Variants in EXOC4 observed in about 807,000 individuals in gnomAD.
EXOC4 encodes the protein exocyst complex component 4, also known as SEC8-like 1.
A neutral mutation model predicts 107.2 loss-of-function variants in EXOC4; 71 were observed. The ratio of observed to expected loss-of-function variants is 0.66; its 90% CI spans 0.55 to 0.81. The LOEUF (loss-of-function observed/expected upper bound fraction) is 0.81. EXOC4 is among the 30% of genes least tolerant of loss of function. EXOC4 has a pLI of 0.00. For synonymous variants in EXOC4, 456 were observed against 441.2 expected (o/e 1.03, Z -0.42); for missense variants, 1,108 against 1,189.6 (o/e 0.93, Z 1.01).
chr7:134,002,302 C>T (rs745820507), intron 15 of EXOC4, among the ~76,000 whole-genome samples: 38 of 152,094 alleles, frequency 2.5e-4, no homozygotes, highest in South Asian at 4.1e-4. Context: ...AAGAATATGA[C>T]ACATCCCATA....
At chr7:133,414,806 A>G (rs2150750393) in intron 7 of EXOC4, among the ~76,000 whole-genome samples, 1 of 152,310 alleles carries the variant, frequency 6.6e-6, no homozygotes, top group South Asian at 2.1e-4. Flanking sequence ...AATTCAAAGT[A>G]TACAATTCAA....
intron 1 of EXOC4, among the ~76,000 whole-genome samples, chr7:133,274,161 C>T (rs1793937061): frequency 6.6e-6 from 1 of 152,176 alleles, no homozygotes; most frequent in Non-Finnish European, 1.5e-5. Context: ...TGTTCGAAGA[C>T]TAGTAAATGC....
chr7:133,295,158 T>A (rs796606536), intron 3 of EXOC4, among the ~76,000 whole-genome samples: 7 of 152,250 alleles, frequency 4.6e-5, no homozygotes, highest in African/African-American at 1.7e-4. Context: ...TCTTTTGAGC[T>A]AGTAAAAGTT....
intron 7 of EXOC4, among the ~76,000 whole-genome samples, chr7:133,431,752 C>G (rs1323010594): frequency 2.0e-5 from 3 of 152,134 alleles, no homozygotes; most frequent in Admixed American, 6.5e-5. Flanking sequence ...GTTTATAGAC[C>G]GGACCCGTAA....
At chr7:133,422,633 A>G (rs950618603) in intron 7 of EXOC4, among the ~76,000 whole-genome samples, 1 of 152,162 alleles carries the variant, frequency 6.6e-6, no homozygotes, top group Non-Finnish European at 1.5e-5. Flanking sequence ...TGTAGGTTAC[A>G]TGTTTTACTG....
intron 17 of EXOC4, among the ~76,000 whole-genome samples, chr7:134,056,695 G>A (rs1795933146): frequency 6.6e-6 from 1 of 152,194 alleles, no homozygotes; most frequent in Non-Finnish European, 1.5e-5. Flanking sequence ...ATCTGATGTA[G>A]CAGAGAGTGA....
intron 14 of EXOC4, among the ~76,000 whole-genome samples, chr7:133,987,555 G>A (rs930816575): frequency 6.6e-6 from 1 of 152,156 alleles, no homozygotes; most frequent in African/African-American, 2.4e-5. Flanking sequence ...AGAAAACTGT[G>A]TGGTGTCTTT....
At chr7:134,046,158 C>G (rs991026921) in intron 17 of EXOC4, among the ~76,000 whole-genome samples, 1 of 152,126 alleles carries the variant, frequency 6.6e-6, no homozygotes, top group African/African-American at 2.4e-5. Context: ...ACCCTTATAA[C>G]CATCACTCCT....
At chr7:133,453,794 T>C (rs534529198) in intron 7 of EXOC4, among the ~76,000 whole-genome samples, 1 of 152,246 alleles carries the variant, frequency 6.6e-6, no homozygotes, top group East Asian at 1.9e-4. Flanking sequence ...AAGTTTTCCT[T>C]ATAATATGTA....
chr7:133,403,374 T>A (rs956882889), intron 7 of EXOC4, among the ~76,000 whole-genome samples: 1 of 152,192 alleles, frequency 6.6e-6, no homozygotes, highest in Non-Finnish European at 1.5e-5. Flanking sequence ...TTTCCCCTTA[T>A]CACTGTGATC....
At chr7:133,807,063 G>A (rs1054645157) in intron 10 of EXOC4, among the ~76,000 whole-genome samples, 1 of 152,140 alleles carries the variant, frequency 6.6e-6, no homozygotes, top group Non-Finnish European at 1.5e-5. Context: ...CACAGCATGT[G>A]AAATCGGAAG....
chr7:133,759,144 A>ATTTTTTTTTT (rs34768347), intron 10 of EXOC4, among the ~76,000 whole-genome samples: 10 of 140,632 alleles, frequency 7.1e-5, no homozygotes, highest in Non-Finnish European at 1.4e-4. Context: ...CAACAAAAGA[A>ATTTTTTTTTT]TTTTTTTTTT....
intron 10 of EXOC4, among the ~76,000 whole-genome samples, chr7:133,666,227 A>G (rs1252947000): frequency 6.6e-6 from 1 of 152,222 alleles, no homozygotes; most frequent in Non-Finnish European, 1.5e-5. Context: ...TTAATGTCAT[A>G]GCTGTCCTGC....
intron 17 of EXOC4, among the ~76,000 whole-genome samples, chr7:134,037,696 T>C (rs1719014218): frequency 6.6e-6 from 1 of 152,118 alleles, no homozygotes; most frequent in South Asian, 2.1e-4. Context: ...AGTCCTTGAG[T>C]AGAAGTGTCA....
chr7:133,459,646 G>C (rs1240522592), intron 7 of EXOC4, among the ~76,000 whole-genome samples: 1 of 152,126 alleles, frequency 6.6e-6, no homozygotes, highest in South Asian at 2.1e-4. Flanking sequence ...TGAAAGACAG[G>C]ATCTTATCGG....
intron 10 of EXOC4, among the ~76,000 whole-genome samples, chr7:133,639,268 C>T (rs1274792225): frequency 6.6e-6 from 1 of 152,100 alleles, no homozygotes; most frequent in Non-Finnish European, 1.5e-5. Context: ...AACAGAAAGA[C>T]ACACACACCC....
intron 11 of EXOC4, among the ~76,000 whole-genome samples, chr7:133,889,349 T>G (rs1272093317): frequency 6.6e-6 from 1 of 151,654 alleles, no homozygotes; most frequent in Non-Finnish European, 1.5e-5. Flanking sequence ...CTTATTTGGT[T>G]GTTGTTTTGA....
chr7:133,737,909 C>CTTTTTTTTTTTT (rs10673346), intron 10 of EXOC4, among the ~76,000 whole-genome samples: 13 of 89,322 alleles, frequency 1.5e-4, no homozygotes, highest in African/African-American at 2.6e-4. Flanking sequence ...ATTTTTCTTT[C>CTTTTTTTTTTTT]TTTTTTTTTT....
intron 10 of EXOC4, among the ~76,000 whole-genome samples, chr7:133,744,994 C>G (rs777954789): frequency 1.3e-5 from 2 of 152,094 alleles, no homozygotes; most frequent in African/African-American, 2.4e-5. Context: ...AAAGTTATTC[C>G]AAATGCATAA....
Sources: allele counts gnomAD v4.1 joint callset (sites outside exome capture counted in the v4.1 genomes callset), GRCh38; gene constraint gnomAD v4.1.1; transcripts MANE v1.5; gene names NCBI Gene and HGNC (gene_info 2026-07-23, HGNC 2026-07-21).